Variants in COMMD8 observed in about 807,000 individuals in gnomAD.
The protein encoded by COMMD8 is COMM domain-containing protein 8.
Under a neutral mutation model 27.2 loss-of-function variants are expected in COMMD8, and 28 were observed. That is an observed-to-expected ratio of 1.03 (90% confidence interval 0.76 to 1.41). The LOEUF is 1.41. COMMD8 is among the 40% of genes most tolerant of loss of function. COMMD8 has a pLI of 0.00. For synonymous variants in COMMD8, 79 were observed against 75.5 expected (o/e 1.05, Z -0.24); for missense variants, 217 against 211.2 (o/e 1.03, Z -0.17).
At chr4:47,451,689 A>C (rs766583712) in intron 4 of COMMD8, 24 bp from the exon 5 acceptor site, 3 of 1,557,140 alleles carry the variant, frequency 1.9e-6, no homozygotes, top group Non-Finnish European at 2.6e-6. Flanking sequence ...TTGAAGAGAA[A>C]ATATCAGGTT....
intron 3 of COMMD8, among the ~76,000 whole-genome samples, chr4:47,453,817 G>A (rs903093714): frequency 1.3e-5 from 2 of 152,172 alleles, no homozygotes; most frequent in African/African-American, 4.8e-5. Context: ...GAGCACTGTA[G>A]CTTCCTTGGC....
Position 47,460,186 on chromosome 4 carries a change from T to G in COMMD8, c.180A>C (p.Lys60Asn), listed in dbSNP as rs1279274116. Residue 60 changes from lysine (K) to asparagine (N), a missense_variant, in exon 2 of 5, where the codon AAA becomes AAC. Lys to Asn is a moderately conservative substitution (Grantham distance 94, BLOSUM62 0). Coordinates refer to ENST00000381571, the MANE Select transcript of COMMD8 (RefSeq NM_017845.5). ...EWMHVLEDIA[K>N]FFKAIVGKNL... ...TTTTACCAACTATGGCTTTGAAAAA[T>G]TTGGCAATATCTTCTAAAACGTGCA... 7.4e-6 allele frequency: 12 copies of G among 1,613,626 alleles called. No homozygotes were observed. Among genetic ancestry groups the G allele is most frequent in the Non-Finnish European group, 9.3e-6 (11 of 1,179,746 alleles).
At chr4:47,452,931 G>A (rs898973916) in intron 4 of COMMD8, 128 bp downstream of exon 4, 21 of 686,138 alleles carry the variant, frequency 3.1e-5, no homozygotes, top group Non-Finnish European at 4.6e-5. Flanking sequence ...GGGAGGCGGA[G>A]GTTGCAGTGA....
At chr4:47,454,931 C>A (rs755232042) in intron 3 of COMMD8, among the ~76,000 whole-genome samples, 4 of 149,754 alleles carry the variant, frequency 2.7e-5, no homozygotes, top group African/African-American at 9.9e-5. Context: ...TGAATCAACA[C>A]GAATGAAGCT....
chr4:47,461,067 T>C (rs1284236273), intron 1 of COMMD8, among the ~76,000 whole-genome samples: 1 of 152,190 alleles, frequency 6.6e-6, no homozygotes, highest in Non-Finnish European at 1.5e-5. Context: ...CTCTTAATCT[T>C]GCTGTAAGGA....
At chr4:47,454,864 C>CAAAAAA (rs1187989270) in intron 3 of COMMD8, among the ~76,000 whole-genome samples, 52 of 39,438 alleles carry the variant, frequency 1.3e-3, no homozygotes, top group South Asian at 2.5e-3. Flanking sequence ...AACTCCATCT[C>CAAAAAA]AAAAAAAAAA....
Position 47,453,117 on chromosome 4 carries a change from A to T in COMMD8, c.473T>A (p.Ile158Asn), listed in dbSNP as rs1462690171. The change falls in exon 4 of 5, where the codon ATT becomes AAT. Residue 158 changes from isoleucine (I) to asparagine (N), a missense_variant. By Grantham distance (149) the Ile-to-Asn change is moderately radical. Coordinates refer to ENST00000381571, the MANE Select transcript of COMMD8 (RefSeq NM_017845.5). ...CTGCAGCTCCTCTCTACTCATTTCA[A>T]TAGAATAAGGTTTTACTTCACCATT... ...KENGEVKPYSIEMSREELQNL... is the reference protein window; with the variant it reads ...KENGEVKPYSNEMSREELQNL... 6.2e-7 allele frequency: 1 copy of T among 1,613,792 alleles called. No individual in the cohort carries two copies. Among genetic ancestry groups the T allele is most frequent in the East Asian group, 2.2e-5 (1 of 44,882 alleles).
Position 47,460,979 on chromosome 4 carries a change from C to T in COMMD8, c.67-680G>A, listed in dbSNP as rs113297831. On this transcript the variant is annotated intron_variant, in intron 1 of 4. Coordinates refer to ENST00000381571, the MANE Select transcript of COMMD8 (RefSeq NM_017845.5). ...GGAATAAAACTATCCAGTTCCAATC[C>T]CAGTTTCAGTATTTTCAAGTTTTAT... 2.3e-3 allele frequency among the ~76,000 whole-genome samples: 347 copies of T among 152,196 alleles called. 4 individuals carry two copies. The highest frequency in any genetic ancestry group is 7.8e-3 in the African/African-American group (322 of 41,512).
chr4:47,461,205 CATCT>C (rs1489850614), intron 1 of COMMD8, among the ~76,000 whole-genome samples: 1 of 152,198 alleles, frequency 6.6e-6, no homozygotes, highest in Non-Finnish European at 1.5e-5. Flanking sequence ...ATGCCTTCAG[CATCT>C]ATTAACTGAG....
chr4:47,458,021 AGAG>A (rs1729936739), intron 2 of COMMD8, among the ~76,000 whole-genome samples: 1 of 152,084 alleles, frequency 6.6e-6, no homozygotes, highest in Non-Finnish European at 1.5e-5. Context: ...TGAACAAAAT[AGAG>A]AAGAAACAAT....
chr4:47,456,665 C>G lies in COMMD8; in HGVS notation c.287G>C (p.Ser96Thr). ...HQETIMKCVK[S>T]RKDEIKQALS... ...AGCCTGTTTGATTTCATCTTTCCTA[C>G]TTTTCACGCATTTCATGATAGTTTC... The change falls in exon 3 of 5, where the codon AGT (serine) becomes ACT (threonine). Residue 96 changes from serine to threonine, a missense_variant. By Grantham distance (58) the Ser-to-Thr change is moderately conservative. Coordinates refer to ENST00000381571, the MANE Select transcript of COMMD8 (RefSeq NM_017845.5). 5 of 1,609,560 alleles carry G rather than the reference C, an allele frequency of 3.1e-6. No homozygotes were observed. Among genetic ancestry groups the G allele is most frequent in the Non-Finnish European group, 4.2e-6 (5 of 1,178,058 alleles).
chr4:47,454,066 G>GT (rs1298193459), intron 3 of COMMD8, among the ~76,000 whole-genome samples: 2 of 152,160 alleles, frequency 1.3e-5, no homozygotes, highest in Non-Finnish European at 2.9e-5. Flanking sequence ...AGATCTGGAA[G>GT]TATCAGCTTC....
At chr4:47,454,503 A>G (rs1350771033) in intron 3 of COMMD8, among the ~76,000 whole-genome samples, 1 of 152,204 alleles carries the variant, frequency 6.6e-6, no homozygotes, top group Non-Finnish European at 1.5e-5. Context: ...AGCCAAAACT[A>G]AACAGATAAT....
At position 47,460,277 on chromosome 4, in the gene COMMD8, C is replaced by A; in HGVS notation, c.89G>T (p.Gly30Val). 6.2e-7 allele frequency: 1 copy of A among 1,608,726 alleles called. No homozygotes were observed. Among genetic ancestry groups the A allele is most frequent in the Admixed American group, 1.7e-5 (1 of 59,112 alleles). ...CACAGGATAAGCTCGACCACAAATGCCATCAATTATTTTGTGAAGAAGCTA... is the reference window on the plus strand; with the variant it reads ...CACAGGATAAGCTCGACCACAAATGACATCAATTATTTTGTGAAGAAGCTA... ...GPQLLHKIID[G>V]ICGRAYPVYQ... The change falls in exon 2 of 5, where the codon GGC becomes GTC. Residue 30 changes from glycine (G) to valine (V), a missense_variant. Transcript: ENST00000381571.
rs184217740 is a variant in COMMD8 at position 47,458,109 on chromosome 4, G to A, written c.223-1380C>T. 2.0e-5 allele frequency among the ~76,000 whole-genome samples: 3 copies of A among 152,110 alleles called. No individual in the cohort carries two copies. The East Asian group carries it at 5.8e-4, about 29-fold the overall frequency. On this transcript the variant is annotated intron_variant, in intron 2 of 4. Transcript: ENST00000381571. ...AAAAATTCTCAGCAAAGTTAGAATT[G>A]TAGGATGCTTCTTTAGTCTGATAAT... is the stretch of plus-strand genomic sequence containing the variant.
chr4:47,462,078 G>A (rs926282652), intron 1 of COMMD8, among the ~76,000 whole-genome samples: 1 of 152,084 alleles, frequency 6.6e-6, no homozygotes, highest in Non-Finnish European at 1.5e-5. Flanking sequence ...AGAGGTGGGT[G>A]GAGCCAAATC....
chr4:47,456,369 A>C (rs929851418), intron 3 of COMMD8, among the ~76,000 whole-genome samples: 1 of 148,336 alleles, frequency 6.7e-6, no homozygotes, highest in African/African-American at 2.5e-5. Flanking sequence ...AATTATATTT[A>C]TTATCAATGT....
chr4:47,454,931 C>T (rs755232042), intron 3 of COMMD8, among the ~76,000 whole-genome samples: 4 of 149,754 alleles, frequency 2.7e-5, no homozygotes, highest in African/African-American at 7.4e-5. Context: ...TGAATCAACA[C>T]GAATGAAGCT....
intron 4 of COMMD8, among the ~76,000 whole-genome samples, chr4:47,452,560 A>AG (rs78313146): frequency 1.3e-5 from 2 of 152,112 alleles, no homozygotes; most frequent in African/African-American, 4.8e-5. Context: ...TTCAAAACTA[A>AG]TTGAACATTA....
Sources: allele counts gnomAD v4.1 joint callset (sites outside exome capture counted in the v4.1 genomes callset), GRCh38; gene constraint gnomAD v4.1.1; transcripts MANE v1.5; gene names NCBI Gene and HGNC (gene_info 2026-07-23, HGNC 2026-07-21).